SEMA3E: variants seen among roughly 807,000 people sequenced by gnomAD.
The protein encoded by SEMA3E is semaphorin-3E.
SEMA3E carries 49 observed loss-of-function variants against 93.6 expected under a neutral mutation model. The ratio of observed to expected loss-of-function variants is 0.52; its 90% CI spans 0.42 to 0.66. The LOEUF (loss-of-function observed/expected upper bound fraction) is 0.66, where lower values mean the gene tolerates loss of function less well. Among genes scored for constraint, SEMA3E ranks in the 30% least tolerant of loss-of-function variants. The probability of loss-of-function intolerance (pLI) is 0.00; values close to 1 mark genes in which losing one functional copy is unlikely to be tolerated. For synonymous variants in SEMA3E, 363 were observed against 330.7 expected, an observed-to-expected ratio of 1.10 and a Z score of -1.06; for missense variants, 906 against 964.8, an observed-to-expected ratio of 0.94 and a Z score of 0.81.
intron 4 of SEMA3E, among the ~76,000 whole-genome samples, chr7:83,450,858 A>C (rs1436537674): frequency 6.6e-6 from 1 of 152,172 alleles, no homozygotes; most frequent in East Asian, 1.9e-4. Context: ...TTACCACTAA[A>C]CCGTTCCAAG....
chr7:83,505,131 A>G (rs1019974096), intron 1 of SEMA3E, among the ~76,000 whole-genome samples: 3 of 152,198 alleles, frequency 2.0e-5, no homozygotes, highest in Non-Finnish European at 4.4e-5. Flanking sequence ...CACATATCAA[A>G]TAATATTTAC....
chr7:83,524,298 A>G (rs1417993255), intron 1 of SEMA3E, among the ~76,000 whole-genome samples: 1 of 152,150 alleles, frequency 6.6e-6, no homozygotes, highest in African/African-American at 2.4e-5. Flanking sequence ...AGTCTTCTTC[A>G]GCAGATAAAT....
rs901789641 is a variant in SEMA3E at position 83,413,550 on chromosome 7, G to A, written c.550+4840C>T. The stretch of plus-strand genomic sequence containing the variant: ...AAAGAGAAACAAAATGCACTTGGGA[G>A]GATGAGGATGGATGAAAATGACTCA... On this transcript the variant is annotated intron_variant, in intron 5 of 16. Transcript: ENST00000643230. Among the ~76,000 whole-genome samples the A allele has an allele frequency of 1.2e-4, 18 of 152,246 alleles. No individual in the cohort carries two copies. In the South Asian group the frequency reaches 1.4e-3, roughly 12 times the overall value.
chr7:83,643,223 A>G (rs1794037392), intron 1 of SEMA3E, among the ~76,000 whole-genome samples: 2 of 152,082 alleles, frequency 1.3e-5, no homozygotes, highest in Non-Finnish European at 2.9e-5. Flanking sequence ...CTCTGACTAG[A>G]TGACAAATCT....
At position 83,607,912 on chromosome 7, in the gene SEMA3E, A is replaced by T. The variant is rs548948264; in HGVS notation, c.115+40516T>A. On this transcript the variant is annotated intron_variant, in intron 1 of 16. Transcript: ENST00000643230. ...AGAGGTGTGGTATAACCAGATTGGA[A>T]TTTTTTAAAGATTATTTTAGCTGGT... Among the ~76,000 whole-genome samples, 5 of 152,178 alleles carry T rather than the reference A, an allele frequency of 3.3e-5. No individual in the cohort carries two copies. The East Asian group carries it at 7.7e-4, about 24-fold the overall frequency.
chr7:83,607,243 GT>G (rs1485711253), intron 1 of SEMA3E, among the ~76,000 whole-genome samples: 3 of 152,196 alleles, frequency 2.0e-5, no homozygotes, highest in African/African-American at 7.2e-5. Context: ...CAGATAATGT[GT>G]TTAAATTATT....
intron 16 of SEMA3E, among the ~76,000 whole-genome samples, chr7:83,383,051 G>A (rs1376988530): frequency 2.0e-5 from 3 of 151,844 alleles, no homozygotes; most frequent in Non-Finnish European, 4.4e-5. Flanking sequence ...TTAAATAAAA[G>A]GAAGATGTAT....
intron 1 of SEMA3E, among the ~76,000 whole-genome samples, chr7:83,533,255 C>T (rs2713140): frequency 0.85 from 128,794 of 152,138 alleles, 54,771 homozygotes; most frequent in South Asian, 0.95. Flanking sequence ...ACAAGCAAAA[C>T]AGGGGGCCAG....
At chr7:83,580,606 A>C (rs10216041) in intron 1 of SEMA3E, among the ~76,000 whole-genome samples, 2,672 of 152,036 alleles carry the variant, frequency 0.018, 78 homozygotes, top group African/African-American at 0.059. Flanking sequence ...CATATAGCTA[A>C]TTCCAACTCA....
intron 1 of SEMA3E, among the ~76,000 whole-genome samples, chr7:83,511,810 G>A (rs1206391511): frequency 2.0e-5 from 3 of 152,010 alleles, no homozygotes; most frequent in Non-Finnish European, 4.4e-5. Context: ...CACGAGAATC[G>A]CTTGAACTCC....
chr7:83,424,917 T>C, intron 4 of SEMA3E: 1 of 279,136 alleles, frequency 3.6e-6, no homozygotes. Context: ...GCTGTCAGCC[T>C]CTACCATGTG....
At chr7:83,415,553 A>C (rs1788523630) in intron 5 of SEMA3E, among the ~76,000 whole-genome samples, 1 of 152,142 alleles carries the variant, frequency 6.6e-6, no homozygotes, top group African/African-American at 2.4e-5. Flanking sequence ...TTATAAATGA[A>C]ATAAAAATGT....
intron 1 of SEMA3E, among the ~76,000 whole-genome samples, chr7:83,584,493 G>T (rs554835655): frequency 2.6e-5 from 4 of 152,270 alleles, no homozygotes; most frequent in African/African-American, 9.6e-5. Context: ...AAATTAAAAT[G>T]TGTATTATTT....
At chr7:83,477,741 A>G (rs1790045550) in intron 2 of SEMA3E, among the ~76,000 whole-genome samples, 1 of 152,144 alleles carries the variant, frequency 6.6e-6, no homozygotes, top group Admixed American at 6.5e-5. Flanking sequence ...ACATTTATGT[A>G]CAAATTGTAC....
chr7:83,517,496 T>G (rs1188555959), intron 1 of SEMA3E, among the ~76,000 whole-genome samples: 1 of 152,192 alleles, frequency 6.6e-6, no homozygotes, highest in African/African-American at 2.4e-5. Context: ...AGAAAAAGAT[T>G]AATCACTAAG....
intron 1 of SEMA3E, among the ~76,000 whole-genome samples, chr7:83,573,493 G>A (rs542414486): frequency 1.6e-4 from 24 of 152,036 alleles, no homozygotes; most frequent in Middle Eastern, 6.8e-3. Flanking sequence ...TTGCAATTCC[G>A]GAAATGGAGG....
At chr7:83,477,901 T>A (rs1470771652) in intron 2 of SEMA3E, among the ~76,000 whole-genome samples, 1 of 150,160 alleles carries the variant, frequency 6.7e-6, no homozygotes. Flanking sequence ...TATATAGATA[T>A]ACAAATTAAG....
intron 14 of SEMA3E, among the ~76,000 whole-genome samples, chr7:83,387,251 T>C (rs1466520113): frequency 2.0e-5 from 3 of 152,204 alleles, no homozygotes; most frequent in Non-Finnish European, 4.4e-5. Context: ...TATGTTACCC[T>C]GTTCTTTATT....
intron 1 of SEMA3E, among the ~76,000 whole-genome samples, chr7:83,495,695 G>A (rs994237685): frequency 6.6e-6 from 1 of 151,730 alleles, no homozygotes; most frequent in Admixed American, 6.6e-5. Flanking sequence ...CATCAAAGAC[G>A]CAAAAAGTGA....
Sources: allele counts gnomAD v4.1 joint callset (sites outside exome capture counted in the v4.1 genomes callset), GRCh38; gene constraint gnomAD v4.1.1; transcripts MANE v1.5; gene names NCBI Gene and HGNC (gene_info 2026-07-23, HGNC 2026-07-21).